The following LRP1B variants were observed in gnomAD, a reference collection of about 807,000 sequenced individuals.
LRP1B encodes LDL receptor related protein 1B, also known as low-density lipoprotein receptor-related protein 1B.
Under a neutral mutation model 556.6 loss-of-function variants are expected in LRP1B, and 217 were observed. The observed-to-expected ratio is 0.39, with a 90% CI of 0.35 to 0.44. The LOEUF (loss-of-function observed/expected upper bound fraction) is 0.44. Among genes scored for constraint, LRP1B ranks in the 20% least tolerant of loss-of-function variants. LRP1B has a pLI of 1.00. For synonymous variants in LRP1B, 2,047 were observed against 1,865.8 expected, an observed-to-expected ratio of 1.10 and a Z score of -2.50; for missense variants, 5,053 against 5,620.8, an observed-to-expected ratio of 0.90 and a Z score of 3.23.
intron 2 of LRP1B, among the ~76,000 whole-genome samples, chr2:141,675,063 T>C (rs1690824159): frequency 2.0e-5 from 3 of 151,966 alleles, no homozygotes; most frequent in Admixed American, 2.0e-4. Context: ...TTTTCATGAA[T>C]TGTTGTTCTT....
intron 31 of LRP1B, among the ~76,000 whole-genome samples, chr2:140,826,539 G>T (rs2105065333): frequency 6.6e-6 from 1 of 152,310 alleles, no homozygotes; most frequent in African/African-American, 2.4e-5. Flanking sequence ...GTCTGAGACT[G>T]AGATGATCCC....
In LRP1B at chr2:140,246,033, A is replaced by G. The variant is rs575235064; in HGVS notation, c.13324+1053T>C. On this transcript the variant is annotated intron_variant, in intron 87 of 90. Coordinates refer to ENST00000389484, the MANE Select transcript of LRP1B (RefSeq NM_018557.3). ...TAGGCTTATTAATAAACCCAAATTAATCTCTAAATTAGGAAAAATTGGACA... is the reference window on the plus strand; with the variant it reads ...TAGGCTTATTAATAAACCCAAATTAGTCTCTAAATTAGGAAAAATTGGACA... Among the ~76,000 whole-genome samples, 4 of 151,520 alleles carry G rather than the reference A, an allele frequency of 2.6e-5. No homozygotes were observed. In the Admixed American group the frequency reaches 2.6e-4, roughly 10 times the overall value.
intron 3 of LRP1B, among the ~76,000 whole-genome samples, chr2:141,258,320 C>A (rs1684558815): frequency 6.6e-6 from 1 of 152,034 alleles, no homozygotes; most frequent in East Asian, 1.9e-4. Flanking sequence ...CCCATCTCTA[C>A]TAAAAACACA....
chr2:140,501,940 A>G, intron 54 of LRP1B, 66 bp from the exon 55 acceptor site: 1 of 1,097,842 alleles, frequency 9.1e-7, no homozygotes, highest in East Asian at 2.6e-5. Flanking sequence ...CAGTTGTTGA[A>G]AACATTCACA....
At chr2:141,805,801 G>A (rs989296662) in intron 2 of LRP1B, 1 of 152,132 alleles carries the variant, frequency 6.6e-6, no homozygotes, top group African/African-American at 2.4e-5. Flanking sequence ...GATCGTATGG[G>A]CCTTTAAAGC....
intron 84 of LRP1B, 22 bp from the exon 85 acceptor site, chr2:140,274,620 G>GA (rs1463752154): frequency 6.9e-6 from 11 of 1,594,766 alleles, no homozygotes; most frequent in Middle Eastern, 1.7e-4. Context: ...AGGCACAACA[G>GA]AAAAATAAAA....
At position 140,420,492 on chromosome 2, in the gene LRP1B, T is replaced by C. The variant is rs1360019092; in HGVS notation, c.10414+22012A>G. 2.0e-5 allele frequency among the ~76,000 whole-genome samples: 3 copies of C among 152,194 alleles called. No homozygotes were observed. The East Asian group carries it at 5.8e-4, about 29-fold the overall frequency. On this transcript the variant is annotated intron_variant, in intron 66 of 90. Coordinates refer to ENST00000389484, the MANE Select transcript of LRP1B (RefSeq NM_018557.3). The stretch of plus-strand genomic sequence containing the variant: ...GTATTTTCTTTAAGGGTTAAAAATA[T>C]ACTTACTATGTAATCCTGTCTTCAG...
chr2:140,731,373 G>T (rs1246172037), intron 35 of LRP1B, among the ~76,000 whole-genome samples: 4 of 152,028 alleles, frequency 2.6e-5, no homozygotes, highest in Non-Finnish European at 5.9e-5. Flanking sequence ...ACAATAATAG[G>T]AATAGAATCA....
intron 1 of LRP1B, among the ~76,000 whole-genome samples, chr2:142,109,125 C>G (rs1185981350): frequency 1.3e-5 from 2 of 152,120 alleles, no homozygotes; most frequent in African/African-American, 4.8e-5. Flanking sequence ...TTTTCAGAGA[C>G]AAATATCTCA....
intron 43 of LRP1B, among the ~76,000 whole-genome samples, chr2:140,569,025 T>A (rs529447541): frequency 1.3e-5 from 2 of 151,578 alleles, no homozygotes; most frequent in Non-Finnish European, 2.9e-5. Context: ...ATAATCTACA[T>A]GAAAACACTC....
intron 27 of LRP1B, among the ~76,000 whole-genome samples, chr2:140,866,806 T>A (rs1177569407): frequency 6.6e-6 from 1 of 152,078 alleles, no homozygotes; most frequent in Non-Finnish European, 1.5e-5. Context: ...ATACAAATTT[T>A]AAAAATAAGG....
At chr2:141,703,535 A>G (rs564142347) in intron 2 of LRP1B, among the ~76,000 whole-genome samples, 1 of 152,110 alleles carries the variant, frequency 6.6e-6, no homozygotes, top group South Asian at 2.1e-4. Flanking sequence ...ACCATTATGG[A>G]TGTGTGCCAA....
At chr2:141,285,524 C>T (rs1685681095) in intron 3 of LRP1B, among the ~76,000 whole-genome samples, 2 of 119,090 alleles carry the variant, frequency 1.7e-5, no homozygotes, top group Non-Finnish European at 3.4e-5. Context: ...GGCTTGGCAT[C>T]AGCTCACTGC....
chr2:141,762,533 A>G (rs1287978180), intron 2 of LRP1B, among the ~76,000 whole-genome samples: 8 of 152,018 alleles, frequency 5.3e-5, no homozygotes, highest in Non-Finnish European at 1.2e-4. Flanking sequence ...TGGAGGTTAT[A>G]TATATAATAT....
chr2:142,055,748 A>T lies in LRP1B; in HGVS notation c.82+74900T>A, dbSNP rs541378573. ...CTGAATCTGCTCATCTCACATTTCA[A>T]TACCTGCCTGTGGTTTGCTGGAAAT... On this transcript the variant is annotated intron_variant, in intron 1 of 90. Coordinates refer to ENST00000389484, the MANE Select transcript of LRP1B (RefSeq NM_018557.3). 2.0e-5 allele frequency among the ~76,000 whole-genome samples: 3 copies of T among 152,290 alleles called. No homozygotes were observed. In the East Asian group the frequency reaches 5.8e-4, roughly 30 times the overall value.
At chr2:140,349,732 C>G (rs1681872436) in intron 77 of LRP1B, among the ~76,000 whole-genome samples, 1 of 151,910 alleles carries the variant, frequency 6.6e-6, no homozygotes, top group South Asian at 2.1e-4. Flanking sequence ...TTTCAACAAG[C>G]AGATTTCTGT....
chr2:140,779,755 A>AGAGTGTGT, intron 32 of LRP1B, among the ~76,000 whole-genome samples: 1 of 135,370 alleles, frequency 7.4e-6, no homozygotes, highest in South Asian at 2.3e-4. Context: ...TCTGTGAGAG[A>AGAGTGTGT]GTGTGTGTGT....
intron 3 of LRP1B, among the ~76,000 whole-genome samples, chr2:141,428,178 TTAAA>T (rs756578114): frequency 5.3e-5 from 8 of 152,202 alleles, no homozygotes; most frequent in Non-Finnish European, 8.8e-5. Context: ...TCAGCATGTA[TTAAA>T]TAAATTAAGT....
chr2:141,190,259 G>A (rs1303928690), intron 6 of LRP1B, among the ~76,000 whole-genome samples: 2 of 151,974 alleles, frequency 1.3e-5, no homozygotes, highest in East Asian at 3.9e-4. Context: ...GAACCCCAGT[G>A]AGTATGCATG....
Sources: allele counts gnomAD v4.1 joint callset (sites outside exome capture counted in the v4.1 genomes callset), GRCh38; gene constraint gnomAD v4.1.1; transcripts MANE v1.5; gene names NCBI Gene and HGNC (gene_info 2026-07-23, HGNC 2026-07-21).